The following KLHL36 variants were observed in gnomAD, a reference collection of about 807,000 sequenced individuals.
KLHL36 encodes kelch-like protein 36.
Under a neutral mutation model 53.3 loss-of-function variants are expected in KLHL36, and 35 were observed. The ratio of observed to expected loss-of-function variants is 0.66; its 90% CI spans 0.50 to 0.87. The LOEUF (loss-of-function observed/expected upper bound fraction) is 0.87, where lower values mean the gene tolerates loss of function less well. KLHL36 is among the 40% of genes least tolerant of loss of function. The probability of loss-of-function intolerance (pLI) is 0.00; values close to 1 mark genes in which losing one functional copy is unlikely to be tolerated. For synonymous variants in KLHL36, 472 were observed against 398.9 expected, an observed-to-expected ratio of 1.18 and a Z score of -2.18; for missense variants, 864 against 897.6, an observed-to-expected ratio of 0.96 and a Z score of 0.48.
In KLHL36 at chr16:84,665,911, A is replaced by G. The variant is rs1043676622; in HGVS notation, c.*3778A>G. The G allele has an allele frequency of 2.0e-5, 3 of 151,562 alleles. No individual in the cohort carries two copies. Among genetic ancestry groups the G allele is most frequent in the African/African-American group, 4.9e-5 (2 of 41,150 alleles). 9.4% of individuals were successfully genotyped at this position (151,562 alleles called of 1,614,324 possible). A position where few individuals can be genotyped will look rare whatever the true frequency, so the allele number is the denominator to read the frequency against. ...CCTTCATCCTTCACCCTGGTCCTCC[A>G]TGGTGCAGCAGCATCTCATGGGCCT... On this transcript the variant is annotated 3_prime_UTR_variant, in exon 5 of 5. Coordinates refer to ENST00000564996, the MANE Select transcript of KLHL36 (RefSeq NM_024731.4).
In KLHL36 at chr16:84,657,799, T is replaced by A; in HGVS notation, c.992T>A (p.Leu331Gln). The change falls in exon 3 of 5, where the codon CTG becomes CAG. Residue 331 changes from leucine (L) to glutamine (Q), a missense_variant. Transcript: ENST00000564996. Reference protein sequence around the residue: ...KSEQWVKETPLPARRSHHCVA... With the variant: ...KSEQWVKETPQPARRSHHCVA... ...GAGCAGTGGGTCAAAGAGACGCCGC[T>A]GCCCGCCCGGCGGAGCCACCACTGT... The A allele has an allele frequency of 6.2e-7, 1 of 1,606,412 alleles. No homozygotes were observed. Among genetic ancestry groups the A allele is most frequent in the East Asian group, 2.2e-5 (1 of 44,632 alleles).
intron 2 of KLHL36, among the ~76,000 whole-genome samples, chr16:84,656,625 CTG>C (rs1907213400): frequency 7.6e-5 from 5 of 66,080 alleles, no homozygotes; most frequent in African/African-American, 1.9e-4. Flanking sequence ...GAGCAAGGCT[CTG>C]TGTCAAAAAA....
In KLHL36 at chr16:84,664,187, A is replaced by G. The variant is rs967185772; in HGVS notation, c.*2054A>G. The G allele has an allele frequency of 3.3e-5, 5 of 152,106 alleles. No individual in the cohort carries two copies. Among genetic ancestry groups the G allele is most frequent in the African/African-American group, 1.2e-4 (5 of 41,406 alleles). The allele number at this position is 152,106 out of a possible 1,614,324, so 9.4% of individuals were successfully genotyped here. On this transcript the variant is annotated 3_prime_UTR_variant, in exon 5 of 5. Transcript: ENST00000564996. ...CTTTGGGATAGCTTACCCCCTTCCTATTCGGGAAAGGTTTTATTGCTTGTA... is the reference window on the plus strand; with the variant it reads ...CTTTGGGATAGCTTACCCCCTTCCTGTTCGGGAAAGGTTTTATTGCTTGTA...
At position 84,666,151 on chromosome 16, in the gene KLHL36, C is replaced by A. The variant is rs759914230; in HGVS notation, c.*4018C>A. 1 of 152,222 alleles carries A rather than the reference C, an allele frequency of 6.6e-6. No homozygotes were observed. 9.4% of individuals were successfully genotyped at this position (152,222 alleles called of 1,614,324 possible). A position where few individuals can be genotyped will look rare whatever the true frequency, so the allele number is the denominator to read the frequency against. ...GACCCTGTCCTGCGCATCTGCCAAGCCTGGCAGTTTTTAGAGTTTTTTGAA... is the reference window on the plus strand; with the variant it reads ...GACCCTGTCCTGCGCATCTGCCAAGACTGGCAGTTTTTAGAGTTTTTTGAA... On this transcript the variant is annotated 3_prime_UTR_variant, in exon 5 of 5. Coordinates refer to ENST00000564996, the MANE Select transcript of KLHL36 (RefSeq NM_024731.4).
At position 84,659,819 on chromosome 16, in the gene KLHL36, G is replaced by C. The variant is rs142247144; in HGVS notation, c.1197G>C (p.Leu399=). ...DFYLASIEDM[L]VAIGGRNENG... The stretch of plus-strand genomic sequence containing the variant: ...ACCTTGCCTCCATCGAAGACATGCT[G>C]GTGGCCATCGGCGGCCGGAATGAGA... Residue 399 remains leucine (L), a synonymous_variant, in exon 4 of 5, where the codon CTG becomes CTC. Transcript: ENST00000564996. 189 of 1,614,162 alleles carry C rather than the reference G, an allele frequency of 1.2e-4. 1 individual carries two copies. The highest frequency in any genetic ancestry group is 1.2e-3 in the Middle Eastern group (7 of 6,062).
At chr16:84,656,524 C>T (rs1907206476) in intron 2 of KLHL36, among the ~76,000 whole-genome samples, 1 of 150,592 alleles carries the variant, frequency 6.6e-6, no homozygotes, top group Non-Finnish European at 1.5e-5. Context: ...CCCAGCTACT[C>T]AGGAGGCTGA....
intron 2 of KLHL36, among the ~76,000 whole-genome samples, chr16:84,653,397 C>T (rs954159186): frequency 3.3e-5 from 5 of 152,166 alleles, no homozygotes; most frequent in African/African-American, 1.2e-4. Context: ...CTCATATCAT[C>T]AGAGAATGCT....
At position 84,656,976 on chromosome 16, in the gene KLHL36, G is replaced by T; in HGVS notation, c.169G>T (p.Val57Leu). The part of the protein sequence containing the change: ...DVVLVADEQR[V>L]PAHRNLLAVC... The stretch of plus-strand genomic sequence containing the variant: ...CGTCCTGGTGGCCGATGAGCAGCGT[G>T]TGCCAGCCCATCGCAACCTGCTGGC... The change falls in exon 3 of 5, where the codon GTG becomes TTG. Residue 57 changes from valine to leucine, a missense_variant. Coordinates refer to ENST00000564996, the MANE Select transcript of KLHL36 (RefSeq NM_024731.4). The T allele has an allele frequency of 6.2e-7, 1 of 1,614,000 alleles. No homozygotes were observed. The highest frequency in any genetic ancestry group is 2.2e-5 in the East Asian group (1 of 44,878).
chr16:84,649,958 C>G (rs546630226), intron 1 of KLHL36, among the ~76,000 whole-genome samples: 6 of 150,722 alleles, frequency 4.0e-5, no homozygotes, highest in Non-Finnish European at 7.4e-5. Flanking sequence ...GCACCTGCCC[C>G]TCCCCCTGCC....
Position 84,662,125 on chromosome 16 carries a change from G to A in KLHL36, c.1843G>A (p.Gly615Ser), listed in dbSNP as rs372062633. The A allele has an allele frequency of 6.5e-7, 1 of 1,539,700 alleles. No individual in the cohort carries two copies. Reference sequence around the variant, plus strand: ...CAAAGGCAAGAGGCACCAGGACCGGGGCCAGTGACCCTAGCTGCGCCTCTT... The same window carrying A: ...CAAAGGCAAGAGGCACCAGGACCGGAGCCAGTGACCCTAGCTGCGCCTCTT... Reference protein sequence around the residue: ...KGKGKRHQDRGQ With the variant: ...KGKGKRHQDRSQ Residue 615 changes from glycine to serine, a missense_variant, in exon 5 of 5, where the codon GGC becomes AGC. By Grantham distance (56) the Gly-to-Ser change is moderately conservative. Transcript: ENST00000564996.
chr16:84,657,422 G>A lies in KLHL36; in HGVS notation c.615G>A (p.Glu205=). The A allele has an allele frequency of 1.2e-6, 2 of 1,606,278 alleles. No homozygotes were observed. The highest frequency in any genetic ancestry group is 2.2e-5 in the East Asian group (1 of 44,878). The change falls in exon 3 of 5, where the codon GAG becomes GAA. Residue 205 remains glutamate, a synonymous_variant. Coordinates refer to ENST00000564996, the MANE Select transcript of KLHL36 (RefSeq NM_024731.4). ...TGAGCAGCAGCGAGGTGCAGCGGGA[G>A]TGTGAGCACGACCTCCTGCAGGCCG... ...VYLSSSEVQR[E]CEHDLLQAAL...
Position 84,657,235 on chromosome 16 carries a change from T to C in KLHL36, c.428T>C (p.Val143Ala). 6.2e-7 allele frequency: 1 copy of C among 1,614,038 alleles called. No individual in the cohort carries two copies. Among genetic ancestry groups the C allele is most frequent in the Non-Finnish European group, 8.5e-7 (1 of 1,180,000 alleles). ...DFCCEYLEQE[V>A]SEDNYLYLQE... ...TGCTGTGAGTACCTGGAGCAGGAGG[T>C]GAGCGAGGACAACTACCTGTACCTG... Residue 143 changes from valine to alanine, a missense_variant, in exon 3 of 5, where the codon GTG (valine) becomes GCG (alanine). Val to Ala is a moderately conservative substitution (Grantham distance 64, BLOSUM62 0). Transcript: ENST00000564996.
chr16:84,649,687 G>A (rs551285135), intron 1 of KLHL36, among the ~76,000 whole-genome samples: 12 of 152,338 alleles, frequency 7.9e-5, no homozygotes, highest in African/African-American at 2.9e-4. Flanking sequence ...AGTTGCACGG[G>A]ACGGACTGTG....
rs1448023378 is a variant in KLHL36, at chr16:84,666,238, T to G, written c.*4105T>G. The G allele has an allele frequency of 6.6e-6, 1 of 152,246 alleles. No homozygotes were observed. The highest frequency in any genetic ancestry group is 1.5e-5 in the Non-Finnish European group (1 of 68,042). The allele number at this position is 152,246 out of a possible 1,614,324, so 9.4% of individuals were successfully genotyped here. On this transcript the variant is annotated 3_prime_UTR_variant, in exon 5 of 5. Transcript: ENST00000564996. Reference sequence around the variant, plus strand: ...TGTTTTGTAGAATGCCTGCCGGGGTTTTCCACCTCATCCCTTTCCTCCGGC... The same window carrying G: ...TGTTTTGTAGAATGCCTGCCGGGGTGTTCCACCTCATCCCTTTCCTCCGGC...
chr16:84,661,482 T>C lies in KLHL36; in HGVS notation c.1296-96T>C, dbSNP rs544516831. On this transcript the variant is annotated intron_variant, in intron 4 of 4. Coordinates refer to ENST00000564996, the MANE Select transcript of KLHL36 (RefSeq NM_024731.4). This position sits in a 1 kb window ranked among gnomAD's most constrained non-coding sequence, Gnocchi z 7.9. Reference sequence around the variant, plus strand: ...CACTCCCTATATTCTTAAATCCTCATGGCCCTCTAAGACGGCAGGCTGTTC... The same window carrying C: ...CACTCCCTATATTCTTAAATCCTCACGGCCCTCTAAGACGGCAGGCTGTTC... 139 of 1,230,034 alleles carry C rather than the reference T, an allele frequency of 1.1e-4. No individual in the cohort carries two copies. In the African/African-American group the frequency reaches 1.8e-3, roughly 16 times the overall value. The allele number at this position is 1,230,034 out of a possible 1,614,324, so 76.2% of individuals were successfully genotyped here.
chr16:84,662,040 T>A lies in KLHL36; in HGVS notation c.1758T>A (p.Ala586=). 6.3e-7 allele frequency: 1 copy of A among 1,584,056 alleles called. No individual in the cohort carries two copies. Among genetic ancestry groups the A allele is most frequent in the East Asian group, 2.3e-5 (1 of 43,872 alleles). Residue 586 remains alanine, a synonymous_variant, in exon 5 of 5, where the codon GCT becomes GCA. Transcript: ENST00000564996. ...SRGVDLPKAI[A]GGSACVCALE... is the part of the protein sequence containing the mutation. ...GCGTCGACCTGCCCAAGGCCATCGC[T>A]GGCGGGTCCGCCTGTGTCTGCGCCC...
intron 4 of KLHL36, among the ~76,000 whole-genome samples, chr16:84,660,430 C>T (rs996346567): frequency 1.3e-5 from 2 of 152,188 alleles, no homozygotes; most frequent in African/African-American, 2.4e-5. Context: ...CCGCCTCACC[C>T]TCCTCAGTCT....
At chr16:84,656,634 A>G (rs1214117558) in intron 2 of KLHL36, among the ~76,000 whole-genome samples, 10 of 143,192 alleles carry the variant, frequency 7.0e-5, no homozygotes, top group African/African-American at 2.7e-4. Flanking sequence ...TCTGTGTCAA[A>G]AAAAAAAAAA....
At chr16:84,653,837 A>T (rs1907044789) in intron 2 of KLHL36, among the ~76,000 whole-genome samples, 1 of 94,772 alleles carries the variant, frequency 1.1e-5, no homozygotes. Context: ...GAGGCTCTGT[A>T]TCCAAAAAAA....
Sources: allele counts gnomAD v4.1 joint callset (sites outside exome capture counted in the v4.1 genomes callset), GRCh38; gene constraint gnomAD v4.1.1; non-coding constraint Gnocchi (gnomAD v3.1); transcripts MANE v1.5; gene names NCBI Gene and HGNC (gene_info 2026-07-23, HGNC 2026-07-21).